PSRC1: variants seen among roughly 807,000 people sequenced by gnomAD.
PSRC1 encodes proline/serine-rich coiled-coil protein 1.
Under a neutral mutation model 31.9 loss-of-function variants are expected in PSRC1, and 30 were observed. The observed-to-expected ratio is 0.94, with a 90% CI of 0.70 to 1.28. The LOEUF (loss-of-function observed/expected upper bound fraction) is 1.28, where lower values mean the gene tolerates loss of function less well. Ranked by LOEUF, PSRC1 falls within the 50% of genes most tolerant of loss-of-function variation. The pLI, the probability that PSRC1 is intolerant of heterozygous loss-of-function variation, is 0.00. For missense variants in PSRC1, 481 were observed against 472.8 expected (o/e 1.02, Z -0.16); for synonymous variants, 191 against 192.1 (o/e 0.99, Z 0.05).
chr1:109,281,984 G>A (rs776576122), exon 4 of PSRC1: 45 of 1,521,582 alleles, frequency 3.0e-5, no homozygotes, highest in Non-Finnish European at 3.9e-5. Flanking sequence ...ACTGCATTTG[G>A]GTCACTTCGG....
At chr1:109,282,143 C>T (rs1410058875) in intron 3 of PSRC1, 83 bp from the exon 4 acceptor site, 1 of 1,264,376 alleles carries the variant, frequency 7.9e-7, no homozygotes, top group Non-Finnish European at 1.1e-6. Context: ...AAAAGCCCCA[C>T]AACAGAGCCA....
exon 3 of PSRC1, chr1:109,282,560 A>C: frequency 6.2e-7 from 1 of 1,614,138 alleles, no homozygotes; most frequent in Non-Finnish European, 8.5e-7. Flanking sequence ...GGTCTCATCC[A>C]CAATAAACCT....
exon 4 of PSRC1, chr1:109,281,799 C>T (rs1424502606): frequency 6.2e-7 from 1 of 1,614,134 alleles, no homozygotes; most frequent in African/African-American, 1.3e-5. Context: ...AGGTCTCCCG[C>T]CGAGGACTGG....
At chr1:109,282,969 C>T (rs12023150) in intron 1 of PSRC1, 94 bp downstream of exon 1, 164,421 of 575,570 alleles carry the variant, frequency 0.29, 25,559 homozygotes, top group East Asian at 0.44. Context: ...TGGGGGCGGC[C>T]TGCACGCCCC....
rs1360684511 is a variant in PSRC1 at position 109,282,328 on chromosome 1, T to TA, written c.77+189dup. ...TCCTTCTTCTTAACACCCTGAAATCTAACTCCAGCTTCTCCCTTCTCTCCC... is the reference window on the plus strand; with the variant it reads ...TCCTTCTTCTTAACACCCTGAAATCTAAACTCCAGCTTCTCCCTTCTCTCCC... On this transcript the variant is annotated intron_variant, in intron 3 of 6. Transcript: ENST00000409138. The TA allele has an allele frequency of 5.1e-5, 32 of 624,398 alleles. No individual in the cohort carries two copies. The East Asian group carries it at 7.7e-4, about 15-fold the overall frequency. The allele number at this position is 624,398 out of a possible 1,614,324, so 38.7% of individuals were successfully genotyped here.
chr1:109,282,098 A>G, intron 3 of PSRC1, 38 bp from the exon 4 acceptor site: 1 of 1,445,516 alleles, frequency 6.9e-7, no homozygotes, highest in Non-Finnish European at 9.2e-7. Flanking sequence ...TGCCCATGCA[A>G]AAGGGAACAG....
At chr1:109,280,611 A>C in intron 5 of PSRC1, 122 bp from the exon 7 acceptor site, 1 of 969,946 alleles carries the variant, frequency 1.0e-6, no homozygotes, top group Non-Finnish European at 1.5e-6. Context: ...AGGTATTTGA[A>C]AACTAAGACT....
chr1:109,281,486 A>C, intron 4 of PSRC1, 133 bp downstream of exon 4: 1 of 912,486 alleles, frequency 1.1e-6, no homozygotes, highest in Non-Finnish European at 1.7e-6. Flanking sequence ...CTCTTTTTTC[A>C]TGGTTCTCAT....
At chr1:109,280,121 C>G in exon 7 of PSRC1, 1 of 1,614,070 alleles carries the variant, frequency 6.2e-7, no homozygotes, top group South Asian at 1.1e-5. Flanking sequence ...TAGTGGTTTG[C>G]TACTGAAGTC....
chr1:109,280,600 G>T, intron 5 of PSRC1, 111 bp from the exon 7 acceptor site: 1 of 1,000,868 alleles, frequency 1.0e-6, no homozygotes, highest in Non-Finnish European at 1.5e-6. Context: ...CCCTGACCAT[G>T]AGGTATTTGA....
Position 109,279,927 on chromosome 1 carries a change from T to C in PSRC1, c.*226A>G, listed in dbSNP as rs1256323218. On this transcript the variant is annotated 3_prime_UTR_variant, in exon 7 of 7. Transcript: ENST00000409138. ...TTTCACTGCTGGAAGGTGACCTCTT[T>C]TCCCCTAATCTTCTTTCAACCCAGA... 3 of 632,888 alleles carry C rather than the reference T, an allele frequency of 4.7e-6. No individual in the cohort carries two copies. In the African/African-American group the frequency reaches 5.4e-5, roughly 11 times the overall value. 39.2% of individuals were successfully genotyped at this position (632,888 alleles called of 1,614,324 possible).
chr1:109,282,970 T>C, intron 1 of PSRC1, 93 bp downstream of exon 1: 1 of 575,890 alleles, frequency 1.7e-6, no homozygotes, highest in Non-Finnish European at 3.1e-6. Context: ...GGGGGCGGCC[T>C]GCACGCCCCA....
chr1:109,280,883 A>T, exon 5 of PSRC1: 1 of 1,613,928 alleles, frequency 6.2e-7, no homozygotes, highest in Non-Finnish European at 8.5e-7. Context: ...CAGGTGGCAC[A>T]CTCCGGCTGG....
exon 4 of PSRC1, chr1:109,281,825 G>T (rs1657180282): frequency 6.2e-7 from 1 of 1,613,956 alleles, no homozygotes; most frequent in Non-Finnish European, 8.5e-7. Context: ...ACTCGGCGAG[G>T]CCCCAGGCCC....
chr1:109,282,876 T>C, intron 1 of PSRC1, 140 bp from the exon 2 acceptor site: 1 of 721,450 alleles, frequency 1.4e-6, no homozygotes. Flanking sequence ...CAGCTACTCC[T>C]GCTACCTCCG....
In PSRC1 at chr1:109,282,610, G is replaced by A. The variant is rs147287389; in HGVS notation, c.20-35C>T. On this transcript the variant is annotated intron_variant, in intron 2 of 6. Transcript: ENST00000409138. ...AAAGAAGAATGAAAGCCAGTCATGG[G>A]TCCCTGATGCAGCTCTCCATCGCTG... 6.6e-4 allele frequency: 1,058 copies of A among 1,611,162 alleles called. 4 individuals carry two copies. The Admixed American group carries it at 9.5e-3, about 14-fold the overall frequency.
At chr1:109,280,846 G>A (rs746731747) in exon 5 of PSRC1, 1 of 1,612,614 alleles carries the variant, frequency 6.2e-7, no homozygotes, top group Admixed American at 1.7e-5. Flanking sequence ...CGAGTTGACA[G>A]AGAATCCGGA....
chr1:109,280,100 G>A (rs1442802539), exon 7 of PSRC1: 1 of 1,613,660 alleles, frequency 6.2e-7, no homozygotes, highest in Non-Finnish European at 8.5e-7. Context: ...GGCGAGTCCA[G>A]GTACTGACTG....
At chr1:109,281,553 C>T in intron 4 of PSRC1, 66 bp downstream of exon 4, 1 of 1,349,976 alleles carries the variant, frequency 7.4e-7, no homozygotes, top group Non-Finnish European at 1.0e-6. Flanking sequence ...AATAAGGAAA[C>T]CACTCCCTGC....
Sources: gnomAD v4.1 joint callset for allele counts on GRCh38, gnomAD v4.1.1 for gene constraint, MANE v1.5 for transcripts, NCBI Gene and HGNC (gene_info 2026-07-23, HGNC 2026-07-21) for gene names.